The following ELL2 variants were observed in gnomAD, a reference collection of about 807,000 sequenced individuals.
ELL2 encodes the protein RNA polymerase II elongation factor ELL2.
A neutral mutation model predicts 72.8 loss-of-function variants in ELL2; 21 were observed. The ratio of observed to expected loss-of-function variants is 0.29; its 90% confidence interval spans 0.20 to 0.42. ELL2 has a LOEUF of 0.42. Ranked by LOEUF, ELL2 falls within the 10% of genes least tolerant of loss-of-function variation. The pLI is 1.00. For synonymous variants in ELL2, 266 were observed against 283.2 expected (o/e 0.94, Z 0.61); for missense variants, 568 against 772.8 (o/e 0.73, Z 3.14).
Position 95,898,661 on chromosome 5 carries a change from C to T in ELL2, c.1104G>A (p.Ala368=), listed in dbSNP as rs777082349. 1.4e-5 allele frequency: 23 copies of T among 1,612,700 alleles called. No individual in the cohort carries two copies. Among genetic ancestry groups the T allele is most frequent in the East Asian group, 6.7e-5 (3 of 44,860 alleles). Residue 368 remains alanine, a synonymous_variant, in exon 8 of 12, where the codon GCG becomes GCA. Transcript: ENST00000237853. ...GTGGAGGGGTAGGGATGGCAGCAGC[C>T]GCAGGGGGCAGCGGGAGGCCTGCAG... ...KSAAGLPLPP[A]AAAIPTPPPL...
intron 5 of ELL2, among the ~76,000 whole-genome samples, chr5:95,904,651 T>C (rs1294904616): frequency 6.6e-6 from 1 of 152,244 alleles, no homozygotes; most frequent in Non-Finnish European, 1.5e-5. Flanking sequence ...TGATTAATTA[T>C]TTTAGGTAAC....
chr5:95,947,416 C>T (rs569233959), intron 1 of ELL2, among the ~76,000 whole-genome samples: 19 of 152,234 alleles, frequency 1.2e-4, no homozygotes, highest in African/African-American at 4.3e-4. Context: ...TCTTGACATG[C>T]TTATAGTTCT....
intron 10 of ELL2, among the ~76,000 whole-genome samples, chr5:95,890,224 G>A (rs1328768803): frequency 6.6e-6 from 1 of 152,168 alleles, no homozygotes; most frequent in Non-Finnish European, 1.5e-5. Context: ...TCTTCTGGCA[G>A]TCTCCTATAA....
chr5:95,885,169 A>G lies in ELL2; in HGVS notation c.*3702T>C, dbSNP rs946997121. 3 of 152,220 alleles carry G rather than the reference A, an allele frequency of 2.0e-5. No homozygotes were observed. The highest frequency in any genetic ancestry group is 7.2e-5 in the African/African-American group (3 of 41,442). 9.4% of individuals were successfully genotyped at this position (152,220 alleles called of 1,614,324 possible). The stretch of plus-strand genomic sequence containing the variant: ...GGCAACCACAGCTGCTGAGCTCTGT[A>G]ACAACTGAAAAGCCCCTGTGACATT... On this transcript the variant is annotated 3_prime_UTR_variant, in exon 12 of 12. Transcript: ENST00000237853.
intron 3 of ELL2, among the ~76,000 whole-genome samples, chr5:95,917,727 A>T (rs1450023721): frequency 6.7e-6 from 1 of 148,624 alleles, no homozygotes; most frequent in Non-Finnish European, 1.5e-5. Context: ...ACTGCATCAT[A>T]CATAGTTTTG....
chr5:95,890,624 A>G (rs2112264472), intron 10 of ELL2, among the ~76,000 whole-genome samples: 1 of 152,374 alleles, frequency 6.6e-6, no homozygotes, highest in African/African-American at 2.4e-5. Context: ...AGCTAGAAGC[A>G]GCAAACTTCT....
chr5:95,911,029 GTGC>G (rs1561496408), intron 4 of ELL2, among the ~76,000 whole-genome samples: 1 of 152,208 alleles, frequency 6.6e-6, no homozygotes, highest in East Asian at 1.9e-4. Flanking sequence ...CTACATGTGA[GTGC>G]TAACCAGTGC....
chr5:95,891,053 A>C (rs1326136696), intron 10 of ELL2, 50 bp downstream of exon 10: 2 of 1,612,098 alleles, frequency 1.2e-6, no homozygotes, highest in Admixed American at 3.3e-5. Context: ...GCAGGGAAAG[A>C]AAGAAGGTAA....
At chr5:95,935,674 C>A (rs532286194) in intron 2 of ELL2, among the ~76,000 whole-genome samples, 10 of 152,326 alleles carry the variant, frequency 6.6e-5, no homozygotes, top group African/African-American at 2.2e-4. Context: ...GGAGTGTAAC[C>A]TGAACACCTC....
chr5:95,923,180 T>G (rs1750157791), intron 2 of ELL2, among the ~76,000 whole-genome samples: 1 of 151,562 alleles, frequency 6.6e-6, no homozygotes, highest in Non-Finnish European at 1.5e-5. Flanking sequence ...AGCCTGGGAG[T>G]TCGAGACCAG....
intron 1 of ELL2, among the ~76,000 whole-genome samples, chr5:95,948,236 C>A (rs931288150): frequency 3.3e-5 from 5 of 151,848 alleles, no homozygotes; most frequent in African/African-American, 4.8e-5. Flanking sequence ...TAGAGACCAT[C>A]CTGGCTAACA....
chr5:95,961,665 G>C lies in ELL2; in HGVS notation c.57C>G (p.Cys19Trp), dbSNP rs745871646. 6.2e-7 allele frequency: 1 copy of C among 1,609,060 alleles called. No homozygotes were observed. Among genetic ancestry groups the C allele is most frequent in the South Asian group, 1.1e-5 (1 of 90,602 alleles). The change falls in exon 1 of 12, where the codon TGC becomes TGG. Residue 19 changes from cysteine (C) to tryptophan (W), a missense_variant. Coordinates refer to ENST00000237853, the MANE Select transcript of ELL2 (RefSeq NM_012081.6). ...LREEQRYGLS[C>W]GRLGQDNITV... is the part of the protein sequence containing the mutation. ...TGATGTTGTCCTGCCCCAGCCGTCC[G>C]CACGACAGCCCATAGCGCTGCTCCT...
At chr5:95,923,790 G>A (rs1189312164) in intron 2 of ELL2, among the ~76,000 whole-genome samples, 1 of 152,178 alleles carries the variant, frequency 6.6e-6, no homozygotes, top group Non-Finnish European at 1.5e-5. Flanking sequence ...ATGTTTTCAG[G>A]CAAATTTTAC....
rs1748444048 is a variant in ELL2, at chr5:95,885,862, G to C, written c.*3009C>G. On this transcript the variant is annotated 3_prime_UTR_variant, in exon 12 of 12. Transcript: ENST00000237853. Reference sequence around the variant, plus strand: ...CCATTACTACCTTAAAGAGTTGAAAGTTAAGCCCTCTAAAGTATTCAAAGT... The same window carrying C: ...CCATTACTACCTTAAAGAGTTGAAACTTAAGCCCTCTAAAGTATTCAAAGT... 1 of 152,178 alleles carries C rather than the reference G, an allele frequency of 6.6e-6. No individual in the cohort carries two copies. The allele number at this position is 152,178 out of a possible 1,614,324, so 9.4% of individuals were successfully genotyped here.
intron 8 of ELL2, 76 bp downstream of exon 8, chr5:95,898,164 G>T (rs1464047342): frequency 1.8e-6 from 2 of 1,116,076 alleles, no homozygotes; most frequent in South Asian, 1.9e-5. Flanking sequence ...ATTTGCTAAA[G>T]AAATTACTAA....
chr5:95,916,835 G>A (rs1749827629), intron 3 of ELL2, among the ~76,000 whole-genome samples: 1 of 151,682 alleles, frequency 6.6e-6, no homozygotes, highest in Non-Finnish European at 1.5e-5. Flanking sequence ...GAGAGTGGGA[G>A]AAAATGACTG....
At chr5:95,915,237 G>T (rs1166171167) in intron 3 of ELL2, among the ~76,000 whole-genome samples, 1 of 152,080 alleles carries the variant, frequency 6.6e-6, no homozygotes, top group Non-Finnish European at 1.5e-5. Flanking sequence ...CAAGTAGCTG[G>T]GACTACAGGC....
At chr5:95,952,613 T>G (rs1751459386) in intron 1 of ELL2, among the ~76,000 whole-genome samples, 1 of 152,184 alleles carries the variant, frequency 6.6e-6, no homozygotes, top group African/African-American at 2.4e-5. Flanking sequence ...GTTTTCTCCT[T>G]GCAATGATTA....
chr5:95,955,659 C>T (rs1203621770), intron 1 of ELL2, among the ~76,000 whole-genome samples: 10 of 152,228 alleles, frequency 6.6e-5, no homozygotes, highest in Admixed American at 5.9e-4. Context: ...TCCAGAACTG[C>T]GGTAAATTTG....
Sources: allele counts gnomAD v4.1 joint callset (sites outside exome capture counted in the v4.1 genomes callset), GRCh38; gene constraint gnomAD v4.1.1; transcripts MANE v1.5; gene names NCBI Gene and HGNC (gene_info 2026-07-23, HGNC 2026-07-21).